CRLF2: variants seen among roughly 807,000 people sequenced by gnomAD.
CRLF2 encodes cytokine receptor-like factor 2.
In CRLF2, 41 loss-of-function variants were observed where a neutral mutation model predicts 38.7. The ratio of observed to expected loss-of-function variants is 1.06; its 90% CI spans 0.83 to 1.37. CRLF2 has a LOEUF of 1.37. Ranked by LOEUF, CRLF2 falls within the 40% of genes most tolerant of loss-of-function variation. The probability of loss-of-function intolerance (pLI) is 0.00; values close to 1 mark genes in which losing one functional copy is unlikely to be tolerated. For synonymous variants in CRLF2, 140 were observed against 128.8 expected, an observed-to-expected ratio of 1.09 and a Z score of -0.59; for missense variants, 377 against 322.2, an observed-to-expected ratio of 1.17 and a Z score of -1.30.
Position 1,202,548 on chromosome X carries a change from A to T in CRLF2, c.350-13T>A. The T allele has an allele frequency of 6.2e-7, 1 of 1,613,670 alleles. No individual in the cohort carries two copies. The highest frequency in any genetic ancestry group is 8.5e-7 in the Non-Finnish European group (1 of 1,179,670). On this transcript the variant is annotated splice_polypyrimidine_tract_variant and intron_variant, in intron 3 of 7. Coordinates refer to ENST00000400841, the MANE Select transcript of CRLF2 (RefSeq NM_022148.4). The stretch of plus-strand genomic sequence containing the variant: ...GAACTGGGTTTCACTGAGAAGAAGA[A>T]ATAACGGAAGCGACGTCCCTCCTCT...
At chrX:1,199,744 ATGTG>A (rs1271584605) in intron 4 of CRLF2, among the ~76,000 whole-genome samples, 1 of 151,946 alleles carries the variant, frequency 6.6e-6, no homozygotes, top group Non-Finnish European at 1.5e-5. Flanking sequence ...ATATTTATAT[ATGTG>A]TGTATATATA....
At chrX:1,195,908 TA>T (rs1667438062) in intron 6 of CRLF2, among the ~76,000 whole-genome samples, 1 of 141,630 alleles carries the variant, frequency 7.1e-6, no homozygotes, top group African/African-American at 2.6e-5. Flanking sequence ...AATATGTATT[TA>T]TATATTTTTA....
In CRLF2 at chrX:1,204,075, A is replaced by G. The variant is rs186465132; in HGVS notation, c.350-1540T>C. ...AGAAAACCAGCCTGGGCAACAGAGC[A>G]AGACCCTCTCTCTCAAAAAAAAGAG... On this transcript the variant is annotated intron_variant, in intron 3 of 7. Coordinates refer to ENST00000400841, the MANE Select transcript of CRLF2 (RefSeq NM_022148.4). Among the ~76,000 whole-genome samples, 10 of 122,094 alleles carry G rather than the reference A, an allele frequency of 8.2e-5. No individual in the cohort carries two copies. The East Asian group carries it at 2.1e-3, about 25-fold the overall frequency. The allele number at this position is 122,094 out of a possible 152,430, so 80.1% of individuals were successfully genotyped here.
At chrX:1,204,429 T>C (rs1455271361) in intron 3 of CRLF2, among the ~76,000 whole-genome samples, 11 of 151,928 alleles carry the variant, frequency 7.2e-5, no homozygotes, top group African/African-American at 2.4e-4. Flanking sequence ...AGTTTCTCCA[T>C]GTTGGTCAGG....
At chrX:1,208,576 A>C (rs1358338849) in intron 2 of CRLF2, among the ~76,000 whole-genome samples, 2 of 152,130 alleles carry the variant, frequency 1.3e-5, no homozygotes, top group African/African-American at 4.8e-5. Context: ...AACAAACAAA[A>C]AAAAGAATGT....
chrX:1,203,794 C>T (rs2086647977), intron 3 of CRLF2, among the ~76,000 whole-genome samples: 1 of 152,114 alleles, frequency 6.6e-6, no homozygotes, highest in African/African-American at 2.4e-5. Flanking sequence ...TTTAAGCCTC[C>T]AGTTTGTGGT....
intron 5 of CRLF2, among the ~76,000 whole-genome samples, chrX:1,197,991 T>G (rs1385212720): frequency 6.6e-6 from 1 of 151,850 alleles, no homozygotes. Flanking sequence ...ACCATGAGAA[T>G]GTTTCTCAAA....
At chrX:1,193,803 A>G (rs2086435286) in intron 6 of CRLF2, among the ~76,000 whole-genome samples, 1 of 134,030 alleles carries the variant, frequency 7.5e-6, no homozygotes, top group African/African-American at 2.7e-5. Context: ...AAAAAAAAAA[A>G]TACAAAAATT....
In CRLF2 at chrX:1,194,903, G is replaced by A. The variant is rs1169456803; in HGVS notation, c.768-1601C>T. ...AAAAATTAGCCAGGTGTGGTGGCGC[G>A]CACCTGTAGTCCCAGCTACTCGGGA... On this transcript the variant is annotated intron_variant, in intron 6 of 7. Coordinates refer to ENST00000400841, the MANE Select transcript of CRLF2 (RefSeq NM_022148.4). 4.4e-3 allele frequency among the ~76,000 whole-genome samples: 667 copies of A among 151,498 alleles called. 8 individuals are homozygous for A. The highest frequency in any genetic ancestry group is 0.015 in the African/African-American group (609 of 41,276).
At chrX:1,208,562 TAAAAAC>T (rs1206230475) in intron 2 of CRLF2, among the ~76,000 whole-genome samples, 1 of 151,774 alleles carries the variant, frequency 6.6e-6, no homozygotes, top group Non-Finnish European at 1.5e-5. Flanking sequence ...CGACTCAAAA[TAAAAAC>T]AAACAAAAAA....
chrX:1,210,110 AAAAAAGAAAAG>A (rs2086768793), intron 1 of CRLF2, among the ~76,000 whole-genome samples: 2 of 98,008 alleles, frequency 2.0e-5, no homozygotes, highest in African/African-American at 8.5e-5. Flanking sequence ...TATCAAAAAA[AAAAAAGAAAAG>A]AAAAGAAAAG....
intron 2 of CRLF2, among the ~76,000 whole-genome samples, chrX:1,208,254 G>A (rs1374684017): frequency 2.0e-5 from 3 of 152,030 alleles, no homozygotes; most frequent in African/African-American, 4.8e-5. Flanking sequence ...TTAATCTCCC[G>A]TGAAGAATCT....
At chrX:1,195,540 T>C (rs1189347417) in intron 6 of CRLF2, among the ~76,000 whole-genome samples, 3 of 149,328 alleles carry the variant, frequency 2.0e-5, no homozygotes, top group Non-Finnish European at 4.5e-5. Flanking sequence ...CCCAAATAGC[T>C]GGGACTACAA....
At chrX:1,194,834 C>A (rs2086449622) in intron 6 of CRLF2, among the ~76,000 whole-genome samples, 1 of 151,968 alleles carries the variant, frequency 6.6e-6, no homozygotes, top group Non-Finnish European at 1.5e-5. Flanking sequence ...GAGTTCGAGA[C>A]CAGCCTGGCC....
chrX:1,211,337 G>GTGGGTGGATGGGTGGA (rs1321139962), intron 1 of CRLF2, among the ~76,000 whole-genome samples: 16 of 101,708 alleles, frequency 1.6e-4, no homozygotes, highest in Non-Finnish European at 2.7e-4. Context: ...GGATGTATTG[G>GTGGGTGGATGGGTGGA]TGGGTGGATG....
In CRLF2 at chrX:1,203,897, G is replaced by C. The variant is rs1265382115; in HGVS notation, c.350-1362C>G. Among the ~76,000 whole-genome samples, 4 of 151,978 alleles carry C rather than the reference G, an allele frequency of 2.6e-5. No homozygotes were observed. In the East Asian group the frequency reaches 7.7e-4, roughly 29 times the overall value. On this transcript the variant is annotated intron_variant, in intron 3 of 7. Transcript: ENST00000400841. ...TCTCACCGGATTCTCAAACAGATCCGTTTCCCCTACCTCTAAAAAATAAAA... is the reference window on the plus strand; with the variant it reads ...TCTCACCGGATTCTCAAACAGATCCCTTTCCCCTACCTCTAAAAAATAAAA...
chrX:1,197,842 A>G (rs1316098676), intron 5 of CRLF2, among the ~76,000 whole-genome samples: 2 of 151,834 alleles, frequency 1.3e-5, no homozygotes, highest in Admixed American at 1.3e-4. Context: ...AAAATAAAAA[A>G]TAAAAAGATT....
Position 1,193,098 on chromosome X carries a change from C to G in CRLF2, c.852+120G>C, listed in dbSNP as rs1159603235. 4 of 391,058 alleles carry G rather than the reference C, an allele frequency of 1.0e-5. No homozygotes were observed. In the East Asian group the frequency reaches 1.5e-4, roughly 14 times the overall value. The allele number at this position is 391,058 out of a possible 1,614,324, so 24.2% of individuals were successfully genotyped here. On this transcript the variant is annotated intron_variant, in intron 7 of 7. Transcript: ENST00000400841. ...AAAGTGCTGGGATGACAGGCGTGAG[C>G]CACTGCGCCCGGCTGTTAATGTCAT...
intron 5 of CRLF2, among the ~76,000 whole-genome samples, chrX:1,197,374 A>G (rs1440880481): frequency 2.6e-5 from 4 of 151,430 alleles, no homozygotes; most frequent in Non-Finnish European, 5.9e-5. Flanking sequence ...TCTCTGGACA[A>G]CAACACATCC....
Sources: gnomAD v4.1 joint callset for allele counts (sites outside exome capture counted in the v4.1 genomes callset) on GRCh38, gnomAD v4.1.1 for gene constraint, MANE v1.5 for transcripts, NCBI Gene and HGNC (gene_info 2026-07-23, HGNC 2026-07-21) for gene names.